The following RNF144A variants were observed in gnomAD, a reference collection of about 807,000 sequenced individuals.
The protein encoded by RNF144A is ring finger protein 144A, also known as E3 ubiquitin-protein ligase RNF144A.
A neutral mutation model predicts 38.7 loss-of-function variants in RNF144A; 11 were observed. The observed-to-expected ratio is 0.28, with a 90% CI of 0.18 to 0.47. The LOEUF (loss-of-function observed/expected upper bound fraction) is 0.47. Ranked by LOEUF, RNF144A falls within the 20% of genes least tolerant of loss-of-function variation. The pLI, the probability that RNF144A is intolerant of heterozygous loss-of-function variation, is 0.99. For missense variants in RNF144A, 316 were observed against 377.2 expected (o/e 0.84, Z 1.34); for synonymous variants, 149 against 143.9 (o/e 1.04, Z -0.25).
chr2:7,053,153 G>T (rs900449883), intron 6 of RNF144A, among the ~76,000 whole-genome samples: 2 of 152,052 alleles, frequency 1.3e-5, no homozygotes, highest in South Asian at 2.1e-4. Context: ...GGAAGGAATC[G>T]CAATAGGCAT....
At chr2:6,990,548 G>T (rs145282576) in intron 2 of RNF144A, among the ~76,000 whole-genome samples, 1,321 of 120,100 alleles carry the variant, frequency 0.011, 11 homozygotes, top group African/African-American at 0.016. Context: ...TATATATATA[G>T]AGAGAGAGAT....
chr2:6,997,887 TAATC>T (rs1669862681), intron 3 of RNF144A, among the ~76,000 whole-genome samples: 1 of 152,224 alleles, frequency 6.6e-6, no homozygotes, highest in Non-Finnish European at 1.5e-5. Context: ...TAATTATAGT[TAATC>T]ATACTGTTTT....
chr2:7,024,908 A>C (rs561152638), intron 7 of RNF144A, among the ~76,000 whole-genome samples: 1 of 152,242 alleles, frequency 6.6e-6, no homozygotes, highest in East Asian at 1.9e-4. Flanking sequence ...CTGGAAATCC[A>C]AAATCAGGGT....
intron 1 of RNF144A, among the ~76,000 whole-genome samples, chr2:6,936,964 A>G (rs951802443): frequency 1.3e-5 from 2 of 151,340 alleles, no homozygotes; most frequent in African/African-American, 4.9e-5. Flanking sequence ...CCTTGTTGTC[A>G]CTCCTATGTG....
Position 7,040,912 on chromosome 2 carries a change from G to A in RNF144A, c.*1152G>A, listed in dbSNP as rs1480867519. The stretch of plus-strand genomic sequence containing the variant: ...ACCTCCCATTTCACTTCGTTTTAAC[G>A]TGGGGATTTTACCACTTGATCTTTT... On this transcript the variant is annotated 3_prime_UTR_variant, in exon 9 of 9. Coordinates refer to ENST00000320892, the MANE Select transcript of RNF144A (RefSeq NM_014746.6). The A allele has an allele frequency of 9.1e-6, 9 of 985,356 alleles. No homozygotes were observed. In the Admixed American group the frequency reaches 2.5e-4, roughly 27 times the overall value. 61.0% of individuals were successfully genotyped at this position (985,356 alleles called of 1,614,324 possible).
intron 6 of RNF144A, among the ~76,000 whole-genome samples, chr2:7,051,227 C>T (rs1239910384): frequency 6.6e-6 from 1 of 152,112 alleles, no homozygotes; most frequent in East Asian, 1.9e-4. Context: ...GGAATGCCAC[C>T]ACACAAACAC....
At chr2:6,984,964 A>C (rs1668857359) in intron 2 of RNF144A, among the ~76,000 whole-genome samples, 1 of 152,134 alleles carries the variant, frequency 6.6e-6, no homozygotes, top group Non-Finnish European at 1.5e-5. Context: ...AGCTGTTATC[A>C]CCCCATAGAG....
At chr2:7,028,157 G>T (rs542594679) in intron 7 of RNF144A, among the ~76,000 whole-genome samples, 1 of 152,220 alleles carries the variant, frequency 6.6e-6, no homozygotes, top group Non-Finnish European at 1.5e-5. Context: ...GGGGCCAGTG[G>T]GTAGCTGAGG....
intron 2 of RNF144A, among the ~76,000 whole-genome samples, chr2:6,972,536 T>G (rs1668062243): frequency 6.6e-6 from 1 of 152,188 alleles, no homozygotes; most frequent in Non-Finnish European, 1.5e-5. Context: ...GGCTGTGGGA[T>G]TGGAAGATTC....
At chr2:6,934,891 C>T (rs536215205) in intron 1 of RNF144A, among the ~76,000 whole-genome samples, 136 of 152,326 alleles carry the variant, frequency 8.9e-4, no homozygotes, top group African/African-American at 3.2e-3. Flanking sequence ...TTTGCAGTAG[C>T]TGTGCTTTTG....
Position 7,023,244 on chromosome 2 carries a change from A to T in RNF144A, c.510-1125A>T, listed in dbSNP as rs78247988. Among the ~76,000 whole-genome samples, 134 of 152,320 alleles carry T rather than the reference A, an allele frequency of 8.8e-4. 1 individual carries two copies. Among genetic ancestry groups the T allele is most frequent in the South Asian group, 7.3e-3 (35 of 4,818 alleles). On this transcript the variant is annotated intron_variant, in intron 6 of 8. Coordinates refer to ENST00000320892, the MANE Select transcript of RNF144A (RefSeq NM_014746.6). ...GACCAAACAGTCACGTTCAGTTGGA[A>T]TGTGCACCCCAAGTGGAGGATTGTT...
At chr2:6,983,380 T>C (rs1359444993) in intron 2 of RNF144A, among the ~76,000 whole-genome samples, 1 of 152,210 alleles carries the variant, frequency 6.6e-6, no homozygotes, top group Non-Finnish European at 1.5e-5. Flanking sequence ...GCTCAGGTTC[T>C]AAAAGGAGAC....
At chr2:7,058,082 A>G (rs1673807525) in intron 6 of RNF144A, among the ~76,000 whole-genome samples, 1 of 152,180 alleles carries the variant, frequency 6.6e-6, no homozygotes, top group South Asian at 2.1e-4. Flanking sequence ...TCTTCTTTTT[A>G]ATGTAAGTAC....
chr2:7,063,205 C>A (rs767139360), intron 6 of RNF144A, among the ~76,000 whole-genome samples: 2 of 152,158 alleles, frequency 1.3e-5, no homozygotes, highest in Non-Finnish European at 2.9e-5. Context: ...ACAGTCCTGG[C>A]AGTTTGTTTG....
At chr2:6,984,197 C>T (rs1400802168) in intron 2 of RNF144A, among the ~76,000 whole-genome samples, 1 of 152,222 alleles carries the variant, frequency 6.6e-6, no homozygotes, top group African/African-American at 2.4e-5. Flanking sequence ...TTTCTGTCTC[C>T]CCGCTAGAGT....
intron 2 of RNF144A, among the ~76,000 whole-genome samples, chr2:6,959,461 G>A (rs929706418): frequency 3.9e-5 from 6 of 152,094 alleles, no homozygotes; most frequent in Non-Finnish European, 7.4e-5. Flanking sequence ...ATTTTCTGTC[G>A]CTGTAATAGA....
intron 8 of RNF144A, among the ~76,000 whole-genome samples, chr2:7,031,355 C>T (rs1371622893): frequency 1.3e-5 from 2 of 152,200 alleles, no homozygotes; most frequent in Admixed American, 6.5e-5. Context: ...TACGGAACTA[C>T]GTTCTGTTTA....
At chr2:7,023,288 A>G (rs1200441407) in intron 6 of RNF144A, among the ~76,000 whole-genome samples, 5 of 152,248 alleles carry the variant, frequency 3.3e-5, no homozygotes, top group African/African-American at 4.8e-5. Flanking sequence ...ATCATCAGAC[A>G]GCTCCTACTA....
At chr2:7,070,899 T>C (rs1213021344), downstream of RNF144A, among the ~76,000 whole-genome samples, 2 of 151,190 alleles carry the variant, frequency 1.3e-5, no homozygotes, top group Admixed American at 6.6e-5. Context: ...TGTGTGCCAA[T>C]ACATTTCTAT....
Sources: gnomAD v4.1 joint callset for allele counts (sites outside exome capture counted in the v4.1 genomes callset) on GRCh38, gnomAD v4.1.1 for gene constraint, MANE v1.5 for transcripts, NCBI Gene and HGNC (gene_info 2026-07-23, HGNC 2026-07-21) for gene names.